ADAM19: variants seen among roughly 807,000 people sequenced by gnomAD.
The protein encoded by ADAM19 is ADAM metallopeptidase domain 19.
ADAM19 carries 65 observed loss-of-function variants against 114.7 expected under a neutral mutation model. That is an observed-to-expected ratio of 0.57 (90% confidence interval 0.46 to 0.70). The LOEUF is 0.70. Ranked by LOEUF, ADAM19 falls within the 30% of genes least tolerant of loss-of-function variation. The probability of loss-of-function intolerance (pLI) is 0.00; values close to 1 mark genes in which losing one functional copy is unlikely to be tolerated. For missense variants in ADAM19, 1,063 were observed against 1,204.7 expected (o/e 0.88, Z 1.74); for synonymous variants, 466 against 460.5 (o/e 1.01, Z -0.15).
intron 3 of ADAM19, among the ~76,000 whole-genome samples, chr5:157,547,819 C>T (rs934941289): frequency 1.3e-5 from 2 of 152,132 alleles, no homozygotes; most frequent in African/African-American, 4.8e-5. Context: ...TATCAGCTAC[C>T]TCTTCCCTAA....
At chr5:157,485,502 C>T (rs1325731144) in intron 21 of ADAM19, among the ~76,000 whole-genome samples, 1 of 152,200 alleles carries the variant, frequency 6.6e-6, no homozygotes, top group Non-Finnish European at 1.5e-5. Context: ...CAATCCTTGT[C>T]AACAGAAAAT....
chr5:157,507,156 A>T lies in ADAM19; in HGVS notation c.906-16T>A. Reference sequence around the variant, plus strand: ...GGACATGCCCCTGCAGGAGGCAAGGAGAGACGGTGACCGGGGACGAGACTA... The same window carrying T: ...GGACATGCCCCTGCAGGAGGCAAGGTGAGACGGTGACCGGGGACGAGACTA... On this transcript the variant is annotated splice_polypyrimidine_tract_variant and intron_variant, in intron 9 of 22. Transcript: ENST00000257527. The T allele has an allele frequency of 6.2e-7, 1 of 1,613,054 alleles. No homozygotes were observed. The highest frequency in any genetic ancestry group is 8.5e-7 in the Non-Finnish European group (1 of 1,179,248).
intron 5 of ADAM19, among the ~76,000 whole-genome samples, chr5:157,523,828 T>C (rs1287492494): frequency 6.6e-6 from 1 of 152,196 alleles, no homozygotes; most frequent in East Asian, 1.9e-4. Flanking sequence ...CTCAGGAACT[T>C]TGGCCTACAG....
At chr5:157,505,118 CAAA>C (rs775250955) in intron 11 of ADAM19, among the ~76,000 whole-genome samples, 2 of 86,832 alleles carry the variant, frequency 2.3e-5, no homozygotes, top group Admixed American at 1.3e-4. Flanking sequence ...GACTCTGTCT[CAAA>C]AAAAAAAAAA....
At chr5:157,492,770 T>C (rs1755218606) in intron 16 of ADAM19, among the ~76,000 whole-genome samples, 1 of 152,168 alleles carries the variant, frequency 6.6e-6, no homozygotes, top group East Asian at 1.9e-4. Flanking sequence ...CCTAAGTGCT[T>C]TACTGGGATG....
At chr5:157,495,861 T>A (rs1249076907) in intron 14 of ADAM19, among the ~76,000 whole-genome samples, 1 of 151,610 alleles carries the variant, frequency 6.6e-6, no homozygotes, top group Non-Finnish European at 1.5e-5. Context: ...CTTGAACTCC[T>A]GACCTCAGGT....
intron 21 of ADAM19, among the ~76,000 whole-genome samples, chr5:157,484,437 A>C (rs1370037664): frequency 6.6e-6 from 1 of 152,094 alleles, no homozygotes; most frequent in African/African-American, 2.4e-5. Flanking sequence ...TGACTGTCCC[A>C]CCCGCAGGCC....
chr5:157,567,438 T>C (rs1757694995), intron 2 of ADAM19, among the ~76,000 whole-genome samples: 1 of 152,206 alleles, frequency 6.6e-6, no homozygotes, highest in South Asian at 2.1e-4. Context: ...TTATGGAGTT[T>C]TTGAGGCAGT....
chr5:157,481,612 C>T (rs1754749650), intron 22 of ADAM19, 179 bp downstream of exon 22: 2 of 1,541,226 alleles, frequency 1.3e-6, no homozygotes, highest in Admixed American at 2.0e-5. Context: ...TCACATGAAG[C>T]CAAAACTCCA....
At chr5:157,485,943 C>T (rs142281057) in intron 21 of ADAM19, among the ~76,000 whole-genome samples, 28 of 152,366 alleles carry the variant, frequency 1.8e-4, no homozygotes, top group Admixed American at 4.6e-4. Flanking sequence ...AATGTGAGCT[C>T]CTGGAGGCAA....
intron 3 of ADAM19, among the ~76,000 whole-genome samples, chr5:157,539,765 A>AG (rs11448089): frequency 0.35 from 53,944 of 152,014 alleles, 9,908 homozygotes; most frequent in African/African-American, 0.43. Flanking sequence ...GATTTGAGGG[A>AG]GGAGTCACCC....
chr5:157,552,104 T>A (rs1757215243), intron 3 of ADAM19, among the ~76,000 whole-genome samples: 2 of 152,050 alleles, frequency 1.3e-5, no homozygotes, highest in Admixed American at 6.6e-5. Flanking sequence ...TGAGCCAAGA[T>A]CGCACCACTG....
intron 15 of ADAM19, among the ~76,000 whole-genome samples, chr5:157,493,490 C>T (rs566092707): frequency 1.6e-3 from 240 of 152,296 alleles, no homozygotes; most frequent in Admixed American, 2.8e-3. Flanking sequence ...GCTGTCCACC[C>T]AGGAGTTCCA....
chr5:157,544,875 A>G (rs1757006956), intron 3 of ADAM19, among the ~76,000 whole-genome samples: 1 of 152,204 alleles, frequency 6.6e-6, no homozygotes, highest in African/African-American at 2.4e-5. Flanking sequence ...CTGAAGGGAA[A>G]GACGAATGTA....
chr5:157,524,027 G>A (rs527874189), intron 5 of ADAM19, among the ~76,000 whole-genome samples: 6 of 152,340 alleles, frequency 3.9e-5, no homozygotes, highest in South Asian at 2.1e-4. Context: ...CCCATGTCAC[G>A]ACTGCAATCC....
intron 7 of ADAM19, among the ~76,000 whole-genome samples, chr5:157,514,654 G>C (rs901709631): frequency 6.6e-6 from 1 of 152,134 alleles, no homozygotes; most frequent in East Asian, 1.9e-4. Flanking sequence ...ACCAAGCACA[G>C]GAAAGAAAGC....
chr5:157,481,668 T>C (rs1356117076), intron 22 of ADAM19, 123 bp downstream of exon 22: 1 of 1,551,620 alleles, frequency 6.4e-7, no homozygotes, highest in African/African-American at 1.4e-5. Context: ...CCCTTGGCTT[T>C]TGTTCTGGAA....
intron 9 of ADAM19, 120 bp from the exon 10 acceptor site, chr5:157,507,260 C>T (rs1755773829): frequency 3.2e-6 from 3 of 933,842 alleles, no homozygotes; most frequent in East Asian, 2.6e-5. Flanking sequence ...CAGGTCATTC[C>T]CAAGGGGAGA....
chr5:157,496,888 C>T lies in ADAM19; in HGVS notation c.1594+6G>A. On this transcript the variant is annotated splice_donor_region_variant and intron_variant, in intron 14 of 22. Coordinates refer to ENST00000257527, the MANE Select transcript of ADAM19 (RefSeq NM_033274.5). ...GGGAGAGCCGTGCTCCCCAGGAGAG[C>T]CTTACCGGGTCCCCACAGCTGCTGG... 2 of 1,565,100 alleles carry T rather than the reference C, an allele frequency of 1.3e-6. No homozygotes were observed.
Sources: gnomAD v4.1 joint callset for allele counts (sites outside exome capture counted in the v4.1 genomes callset) on GRCh38, gnomAD v4.1.1 for gene constraint, MANE v1.5 for transcripts, NCBI Gene and HGNC (gene_info 2026-07-23, HGNC 2026-07-21) for gene names.